Variants in LHFPL3 observed in about 807,000 individuals in gnomAD.
LHFPL3 encodes LHFPL tetraspan subfamily member 3.
Under a neutral mutation model 19.3 loss-of-function variants are expected in LHFPL3, and 5 were observed. The ratio of observed to expected loss-of-function variants is 0.26; its 90% CI spans 0.14 to 0.54. The LOEUF is 0.54. Ranked by LOEUF, LHFPL3 falls within the 20% of genes least tolerant of loss-of-function variation. The pLI, the probability that LHFPL3 is intolerant of heterozygous loss-of-function variation, is 0.94. For synonymous variants in LHFPL3, 133 were observed against 126.2 expected (o/e 1.05, Z -0.36); for missense variants, 249 against 307.4 (o/e 0.81, Z 1.42).
At chr7:104,879,571 A>T (rs1482795993) in intron 2 of LHFPL3, among the ~76,000 whole-genome samples, 1 of 152,220 alleles carries the variant, frequency 6.6e-6, no homozygotes, top group African/African-American at 2.4e-5. Context: ...TAAAATTTTA[A>T]AAAATTAGTT....
At chr7:104,385,051 A>C (rs1386056855) in intron 1 of LHFPL3, among the ~76,000 whole-genome samples, 1 of 151,624 alleles carries the variant, frequency 6.6e-6, no homozygotes, top group Non-Finnish European at 1.5e-5. Flanking sequence ...CTTAACCTTT[A>C]CTCTCCCACC....
At chr7:104,770,142 T>G (rs1794527110) in intron 2 of LHFPL3, among the ~76,000 whole-genome samples, 2 of 152,126 alleles carry the variant, frequency 1.3e-5, no homozygotes, top group African/African-American at 4.8e-5. Flanking sequence ...CAATACACTG[T>G]ATCTCTTACA....
At chr7:104,532,982 C>T (rs78243482) in intron 1 of LHFPL3, among the ~76,000 whole-genome samples, 2,406 of 152,242 alleles carry the variant, frequency 0.016, 64 homozygotes, top group African/African-American at 0.055. Context: ...AAGAGGAGAT[C>T]ACCTTCCCAG....
chr7:104,583,434 C>T (rs528139326), intron 1 of LHFPL3, among the ~76,000 whole-genome samples: 2 of 151,920 alleles, frequency 1.3e-5, no homozygotes, highest in African/African-American at 2.4e-5. Context: ...CAAAAGCAAT[C>T]GCAACAAAAG....
chr7:104,439,822 C>A (rs1459358014), intron 1 of LHFPL3, among the ~76,000 whole-genome samples: 1 of 151,898 alleles, frequency 6.6e-6, no homozygotes, highest in Non-Finnish European at 1.5e-5. Context: ...TTATTCAGCC[C>A]AGTAGAGAGA....
intron 2 of LHFPL3, among the ~76,000 whole-genome samples, chr7:104,821,914 G>A (rs1790683310): frequency 6.6e-6 from 1 of 152,200 alleles, no homozygotes; most frequent in Admixed American, 6.5e-5. Flanking sequence ...AAGTGTTAGA[G>A]AGCTCCCCCA....
intron 1 of LHFPL3, among the ~76,000 whole-genome samples, chr7:104,485,168 A>G (rs1793214491): frequency 6.6e-6 from 1 of 152,116 alleles, no homozygotes; most frequent in African/African-American, 2.4e-5. Context: ...TGTCTCCCGT[A>G]TCTTATTCTC....
At chr7:104,485,907 T>C (rs568298360) in intron 1 of LHFPL3, among the ~76,000 whole-genome samples, 249 of 152,342 alleles carry the variant, frequency 1.6e-3, no homozygotes, top group Middle Eastern at 3.4e-3. Context: ...TATCACTTTT[T>C]TAAAAATCAA....
At chr7:104,702,022 C>T (rs1244608187) in intron 1 of LHFPL3, among the ~76,000 whole-genome samples, 2 of 152,204 alleles carry the variant, frequency 1.3e-5, no homozygotes, top group Non-Finnish European at 2.9e-5. Flanking sequence ...GCTATCCCTC[C>T]CCTAGACCCC....
intron 2 of LHFPL3, among the ~76,000 whole-genome samples, chr7:104,791,603 C>T (rs976108814): frequency 3.3e-5 from 5 of 152,104 alleles, no homozygotes; most frequent in African/African-American, 1.2e-4. Flanking sequence ...ATGTTAACGA[C>T]TAAAATTTGT....
chr7:104,792,182 C>T (rs1270355860), intron 2 of LHFPL3, among the ~76,000 whole-genome samples: 2 of 152,190 alleles, frequency 1.3e-5, no homozygotes, highest in African/African-American at 4.8e-5. Flanking sequence ...TTGCTCCCTA[C>T]AAGCATCCAA....
chr7:104,758,054 C>A (rs1442815125), intron 2 of LHFPL3, among the ~76,000 whole-genome samples: 1 of 152,120 alleles, frequency 6.6e-6, no homozygotes, highest in East Asian at 1.9e-4. Context: ...TTCTTTGCAG[C>A]AACATGGATC....
chr7:104,330,659 G>C (rs990624797), intron 1 of LHFPL3, among the ~76,000 whole-genome samples: 2 of 152,170 alleles, frequency 1.3e-5, no homozygotes, highest in Non-Finnish European at 2.9e-5. Context: ...AGCAGCAGTA[G>C]AGACTCCCTC....
Position 104,333,450 on chromosome 7 carries a change from C to A in LHFPL3, c.445+4226C>A, listed in dbSNP as rs566720921. On this transcript the variant is annotated intron_variant, in intron 1 of 2. Coordinates refer to ENST00000424859, the MANE Select transcript of LHFPL3 (RefSeq NM_199000.3). ...AGATGAGGACAGAATGGGTTGTACT[C>A]CCCAGATTCCTCATCTGTATCATTC... is the stretch of plus-strand genomic sequence containing the variant. Among the ~76,000 whole-genome samples the A allele has an allele frequency of 5.9e-5, 9 of 152,242 alleles. 1 individual carries two copies. The South Asian group carries it at 1.9e-3, about 32-fold the overall frequency.
intron 1 of LHFPL3, among the ~76,000 whole-genome samples, chr7:104,472,670 C>T (rs944334003): frequency 2.6e-5 from 4 of 151,964 alleles, no homozygotes; most frequent in African/African-American, 9.7e-5. Flanking sequence ...TTTTTTCAAC[C>T]AATAATTTCT....
chr7:104,739,189 G>A (rs1298276904), intron 2 of LHFPL3, among the ~76,000 whole-genome samples: 2 of 152,180 alleles, frequency 1.3e-5, no homozygotes, highest in East Asian at 3.8e-4. Flanking sequence ...TCTAAGCCTT[G>A]TATAAAATTT....
At chr7:104,825,269 T>A (rs1366090915) in intron 2 of LHFPL3, among the ~76,000 whole-genome samples, 1 of 151,882 alleles carries the variant, frequency 6.6e-6, no homozygotes, top group African/African-American at 2.4e-5. Context: ...GTGAGCCTGA[T>A]GGACTGAGGC....
intron 1 of LHFPL3, among the ~76,000 whole-genome samples, chr7:104,587,052 G>T (rs1790593785): frequency 6.6e-6 from 1 of 152,006 alleles, no homozygotes; most frequent in Non-Finnish European, 1.5e-5. Flanking sequence ...AAATAATAAA[G>T]AGAAAAACGC....
At chr7:104,667,614 C>T (rs1792381542) in intron 1 of LHFPL3, 3 of 670,700 alleles carry the variant, frequency 4.5e-6, no homozygotes, top group South Asian at 3.9e-5. Flanking sequence ...TATTTGTTAT[C>T]CATTTAGTGT....
Sources: allele counts gnomAD v4.1 joint callset (sites outside exome capture counted in the v4.1 genomes callset), GRCh38; gene constraint gnomAD v4.1.1; transcripts MANE v1.5; gene names NCBI Gene and HGNC (gene_info 2026-07-23, HGNC 2026-07-21).